PRKN: variants seen among roughly 807,000 people sequenced by gnomAD.
PRKN encodes parkin RBR E3 ubiquitin protein ligase.
PRKN carries 56 observed loss-of-function variants against 59.5 expected under a neutral mutation model. That is an observed-to-expected ratio of 0.94 (90% confidence interval 0.76 to 1.18). The LOEUF (loss-of-function observed/expected upper bound fraction) is 1.18, where lower values mean the gene tolerates loss of function less well. Among genes scored for constraint, PRKN ranks in the 50% most tolerant of loss-of-function variants. The pLI is 0.00. For synonymous variants in PRKN, 250 were observed against 222.1 expected (o/e 1.13, Z -1.12); for missense variants, 657 against 596.4 (o/e 1.10, Z -1.06).
At chr6:161,880,952 A>G (rs1410289122) in intron 6 of PRKN, among the ~76,000 whole-genome samples, 1 of 152,144 alleles carries the variant, frequency 6.6e-6, no homozygotes, top group African/African-American at 2.4e-5. Flanking sequence ...CTCAAACAGT[A>G]CCTCCAGAAA....
chr6:162,603,998 G>C (rs983369056), intron 1 of PRKN, among the ~76,000 whole-genome samples: 6 of 152,086 alleles, frequency 3.9e-5, no homozygotes, highest in African/African-American at 1.2e-4. Context: ...AGAGGCTCAC[G>C]AACACTTTTC....
intron 6 of PRKN, among the ~76,000 whole-genome samples, chr6:161,848,811 G>T (rs1793305758): frequency 6.6e-6 from 1 of 152,218 alleles, no homozygotes; most frequent in Non-Finnish European, 1.5e-5. Flanking sequence ...AGCTGAAGAT[G>T]TTACAGAGGG....
At chr6:162,508,192 T>C (rs1294553873) in intron 1 of PRKN, among the ~76,000 whole-genome samples, 1 of 152,046 alleles carries the variant, frequency 6.6e-6, no homozygotes, top group African/African-American at 2.4e-5. Context: ...GATAAACCCA[T>C]TAGACCTCCT....
rs1042507655 is a variant in PRKN, at chr6:162,071,575, T to C, written c.535-17401A>G. On this transcript the variant is annotated intron_variant, in intron 4 of 11. Coordinates refer to ENST00000366898, the MANE Select transcript of PRKN (RefSeq NM_004562.3). ...CAGTATCTGTGAACTTATCAGTGGA[T>C]TCCAATTATTTTACTGAATTTAATT... Among the ~76,000 whole-genome samples the C allele has an allele frequency of 3.4e-5, 5 of 147,280 alleles. No homozygotes were observed. In the Admixed American group the frequency reaches 3.5e-4, roughly 10 times the overall value.
intron 1 of PRKN, among the ~76,000 whole-genome samples, chr6:162,680,049 T>C (rs1478615051): frequency 6.6e-6 from 1 of 152,098 alleles, no homozygotes; most frequent in Non-Finnish European, 1.5e-5. Flanking sequence ...TGATCCTATT[T>C]CCTTTCATTA....
At chr6:161,704,681 C>G (rs73597198) in intron 7 of PRKN, among the ~76,000 whole-genome samples, 3,194 of 152,232 alleles carry the variant, frequency 0.021, 112 homozygotes, top group African/African-American at 0.072. Context: ...CAGTACCACA[C>G]CAAGCCCAAA....
At chr6:161,556,851 GT>G (rs1158262694) in intron 8 of PRKN, among the ~76,000 whole-genome samples, 7 of 152,146 alleles carry the variant, frequency 4.6e-5, no homozygotes, top group African/African-American at 1.7e-4. Flanking sequence ...ACTCATGCAT[GT>G]TTTGTCTATG....
chr6:161,735,661 A>G (rs1408188603), intron 7 of PRKN, among the ~76,000 whole-genome samples: 1 of 151,914 alleles, frequency 6.6e-6, no homozygotes, highest in Non-Finnish European at 1.5e-5. Context: ...TCACGCCTGT[A>G]ATCCCAGCAC....
intron 2 of PRKN, among the ~76,000 whole-genome samples, chr6:162,395,629 T>A (rs1413359805): frequency 6.6e-6 from 1 of 152,054 alleles, no homozygotes; most frequent in Non-Finnish European, 1.5e-5. Context: ...CGTTTTGAAG[T>A]AACTCATTAT....
rs1715192827 is a variant in PRKN at position 161,428,574 on chromosome 6, T to TTTGA, written c.1084-41701_1084-41698dup. On this transcript the variant is annotated intron_variant, in intron 9 of 11. Transcript: ENST00000366898. The surrounding 1 kb of genome is among the most constrained non-coding windows in gnomAD (Gnocchi z 4.0). ...CTAAGTGTGTGGCATTGTGGCTGCCTTTGATTGTTTGGCGGTTTGCTGTGT... is the reference window on the plus strand; with the variant it reads ...CTAAGTGTGTGGCATTGTGGCTGCCTTTGATTGATTGTTTGGCGGTTTGCTGTGT... 6.6e-6 allele frequency among the ~76,000 whole-genome samples: 1 copy of TTTGA among 152,218 alleles called. No individual in the cohort carries two copies. The highest frequency in any genetic ancestry group is 6.5e-5 in the Admixed American group (1 of 15,278).
chr6:162,144,775 T>G (rs1781948086), intron 4 of PRKN, among the ~76,000 whole-genome samples: 1 of 152,186 alleles, frequency 6.6e-6, no homozygotes, highest in African/African-American at 2.4e-5. Context: ...TTGCTAACCC[T>G]GACTGTAAAG....
chr6:161,872,138 G>A lies in PRKN; in HGVS notation c.735-86230C>T, dbSNP rs770875901. Among the ~76,000 whole-genome samples the A allele has an allele frequency of 6.6e-5, 10 of 152,198 alleles. No homozygotes were observed. In the Middle Eastern group the frequency reaches 0.01, roughly 155 times the overall value. On this transcript the variant is annotated intron_variant, in intron 6 of 11. Transcript: ENST00000366898. ...AGAGAATAAATAGACAAACAAGTGC[G>A]ATAAGATGCTATGGAAGGGTAAGTG...
At chr6:161,421,582 G>A (rs1788109545) in intron 9 of PRKN, among the ~76,000 whole-genome samples, 1 of 152,068 alleles carries the variant, frequency 6.6e-6, no homozygotes, top group Admixed American at 6.6e-5. Context: ...GGAATGGAGG[G>A]GACTCCGGAG....
intron 6 of PRKN, among the ~76,000 whole-genome samples, chr6:161,887,828 G>A (rs564240013): frequency 9.9e-5 from 15 of 152,106 alleles, no homozygotes; most frequent in African/African-American, 3.1e-4. Context: ...AGGTCGATGC[G>A]ATTTTTACCA....
At chr6:162,575,473 AT>A (rs1473618950) in intron 1 of PRKN, among the ~76,000 whole-genome samples, 5 of 152,294 alleles carry the variant, frequency 3.3e-5, no homozygotes, top group Non-Finnish European at 5.9e-5. Flanking sequence ...CTGAGAGCAC[AT>A]GCCGCTTTTC....
chr6:162,551,086 G>A (rs1262457240), intron 1 of PRKN, among the ~76,000 whole-genome samples: 2 of 152,140 alleles, frequency 1.3e-5, no homozygotes, highest in Admixed American at 6.6e-5. Context: ...TCTGATGCTT[G>A]TAATAGGCCT....
At chr6:161,671,518 A>C (rs559853496) in intron 7 of PRKN, among the ~76,000 whole-genome samples, 2 of 152,274 alleles carry the variant, frequency 1.3e-5, no homozygotes, top group South Asian at 4.1e-4. Context: ...GTGATGCTGG[A>C]TGGATGTGAC....
At chr6:162,000,845 A>AT (rs1554259154) in intron 5 of PRKN, among the ~76,000 whole-genome samples, 1 of 56,864 alleles carries the variant, frequency 1.8e-5, no homozygotes, top group Non-Finnish European at 3.0e-5. Flanking sequence ...CTGTTTCCAG[A>AT]TTTTTTTGTT....
chr6:162,325,016 A>C (rs559230168), intron 2 of PRKN, among the ~76,000 whole-genome samples: 4 of 152,282 alleles, frequency 2.6e-5, no homozygotes, highest in South Asian at 2.1e-4. Context: ...ACTGGCATTA[A>C]GAACTAAGCA....
Sources: gnomAD v4.1 joint callset for allele counts (sites outside exome capture counted in the v4.1 genomes callset) on GRCh38, gnomAD v4.1.1 for gene constraint, Gnocchi (gnomAD v3.1) non-coding constraint, MANE v1.5 for transcripts, NCBI Gene and HGNC (gene_info 2026-07-23, HGNC 2026-07-21) for gene names.